The following CDKAL1 variants were observed in gnomAD, a reference collection of about 807,000 sequenced individuals.
The protein encoded by CDKAL1 is CDKAL1 threonylcarbamoyladenosine tRNA methylthiotransferase, also known as threonylcarbamoyladenosine tRNA methylthiotransferase.
Under a neutral mutation model 68.2 loss-of-function variants are expected in CDKAL1, and 32 were observed. The observed-to-expected ratio is 0.47, with a 90% CI of 0.35 to 0.63. The LOEUF (loss-of-function observed/expected upper bound fraction) is 0.63. Ranked by LOEUF, CDKAL1 falls within the 30% of genes least tolerant of loss-of-function variation. The probability of loss-of-function intolerance (pLI) is 0.00; values close to 1 mark genes in which losing one functional copy is unlikely to be tolerated. For missense variants in CDKAL1, 606 were observed against 696.7 expected, an observed-to-expected ratio of 0.87 and a Z score of 1.47; for synonymous variants, 234 against 244.3, an observed-to-expected ratio of 0.96 and a Z score of 0.39.
intron 5 of CDKAL1, among the ~76,000 whole-genome samples, chr6:20,684,610 T>C (rs1239209091): frequency 1.3e-5 from 2 of 152,252 alleles, no homozygotes; most frequent in Admixed American, 6.5e-5. Context: ...GTCTTCCAAG[T>C]GACTGTATCA....
intron 4 of CDKAL1, among the ~76,000 whole-genome samples, chr6:20,597,283 C>T (rs1765873552): frequency 6.6e-6 from 1 of 152,014 alleles, no homozygotes; most frequent in Non-Finnish European, 1.5e-5. Flanking sequence ...CGCCTGCCAC[C>T]ACGCCTTGCT....
At chr6:20,692,862 C>T (rs1196730762) in intron 5 of CDKAL1, among the ~76,000 whole-genome samples, 1 of 151,940 alleles carries the variant, frequency 6.6e-6, no homozygotes, top group East Asian at 1.9e-4. Context: ...TGCGGTGGCT[C>T]ACACTTGTAA....
chr6:21,086,492 C>G (rs1772701196), intron 12 of CDKAL1, among the ~76,000 whole-genome samples: 1 of 152,058 alleles, frequency 6.6e-6, no homozygotes, highest in Non-Finnish European at 1.5e-5. Flanking sequence ...AATGACTTAC[C>G]AAATGCCTGA....
chr6:20,656,803 A>G (rs1160325891), intron 5 of CDKAL1, among the ~76,000 whole-genome samples: 2 of 152,232 alleles, frequency 1.3e-5, no homozygotes, highest in African/African-American at 4.8e-5. Flanking sequence ...TTTAAACACT[A>G]CAAAGCTAGT....
chr6:21,107,168 CGATCTCCTGACCTT>C (rs921405196), intron 12 of CDKAL1, among the ~76,000 whole-genome samples: 2 of 151,920 alleles, frequency 1.3e-5, no homozygotes, highest in African/African-American at 4.8e-5. Flanking sequence ...AGGATGGTCT[CGATCTCCTGACCTT>C]GTGATCCGCC....
In CDKAL1 at chr6:21,209,367, G is replaced by A. The variant is rs538123600; in HGVS notation, c.1548+8093G>A. On this transcript the variant is annotated intron_variant, in intron 15 of 15. Coordinates refer to ENST00000274695, the MANE Select transcript of CDKAL1 (RefSeq NM_017774.3). ...GCTAAGCGCTAAGGAAAAGAACCAG[G>A]CCCCCGAGCCTGAATTACTTACATA... is the stretch of plus-strand genomic sequence containing the variant. 6.4e-4 allele frequency among the ~76,000 whole-genome samples: 98 copies of A among 152,290 alleles called. 1 individual carries two copies. Among genetic ancestry groups the A allele is most frequent in the Middle Eastern group, 6.8e-3 (2 of 294 alleles).
chr6:21,225,590 TTCCTA>T (rs1291789540), intron 15 of CDKAL1, among the ~76,000 whole-genome samples: 1 of 152,156 alleles, frequency 6.6e-6, no homozygotes, highest in East Asian at 1.9e-4. Flanking sequence ...TTCTGATAAC[TTCCTA>T]AGGTAGATGG....
At chr6:21,078,931 C>G (rs896369964) in intron 12 of CDKAL1, among the ~76,000 whole-genome samples, 15 of 152,128 alleles carry the variant, frequency 9.9e-5, no homozygotes, top group African/African-American at 2.4e-4. Context: ...GTGCACCTAG[C>G]ACAATACCTG....
At chr6:20,776,305 G>A (rs925758436) in intron 7 of CDKAL1, among the ~76,000 whole-genome samples, 2 of 152,092 alleles carry the variant, frequency 1.3e-5, no homozygotes, top group African/African-American at 4.8e-5. Flanking sequence ...TCATTAACTG[G>A]GCTTTTGATT....
intron 2 of CDKAL1, among the ~76,000 whole-genome samples, chr6:20,543,838 G>A (rs1763482534): frequency 6.7e-6 from 1 of 148,368 alleles, no homozygotes; most frequent in African/African-American, 2.5e-5. Flanking sequence ...GTGGGTTCAA[G>A]CAATTCTCCT....
intron 13 of CDKAL1, among the ~76,000 whole-genome samples, chr6:21,141,401 C>T (rs2151034993): frequency 6.6e-6 from 1 of 152,320 alleles, no homozygotes; most frequent in African/African-American, 2.4e-5. Flanking sequence ...CTGTGCTTCC[C>T]TCTGCCAGGA....
intron 13 of CDKAL1, among the ~76,000 whole-genome samples, chr6:21,188,848 CA>C (rs1299148349): frequency 4.6e-5 from 7 of 152,048 alleles, no homozygotes; most frequent in African/African-American, 1.7e-4. Flanking sequence ...GCTTTATAGG[CA>C]ATACCTTTGA....
chr6:20,844,687 T>A (rs1330792510), intron 8 of CDKAL1, among the ~76,000 whole-genome samples: 3 of 146,844 alleles, frequency 2.0e-5, no homozygotes, highest in African/African-American at 2.5e-5. Context: ...CCGTTTCTAT[T>A]AAAAAAAAAA....
At chr6:20,706,411 C>T (rs1405772149) in intron 5 of CDKAL1, among the ~76,000 whole-genome samples, 1 of 152,200 alleles carries the variant, frequency 6.6e-6, no homozygotes, top group Non-Finnish European at 1.5e-5. Flanking sequence ...TGATCAGATG[C>T]TCATATGCTG....
rs113117258 is a variant in CDKAL1, at chr6:21,052,844, G to A, written c.1056-12204G>A. 1.2e-4 allele frequency among the ~76,000 whole-genome samples: 18 copies of A among 152,224 alleles called. No individual in the cohort carries two copies. In the East Asian group the frequency reaches 1.4e-3, roughly 11 times the overall value. On this transcript the variant is annotated intron_variant, in intron 11 of 15. Coordinates refer to ENST00000274695, the MANE Select transcript of CDKAL1 (RefSeq NM_017774.3). Reference sequence around the variant, plus strand: ...AGCCTGGGCAACAAAGCAAGACTCCGTCTCTACAGAAAATAAATAAGAGAA... The same window carrying A: ...AGCCTGGGCAACAAAGCAAGACTCCATCTCTACAGAAAATAAATAAGAGAA...
At chr6:21,094,565 G>A (rs1773224356) in intron 12 of CDKAL1, among the ~76,000 whole-genome samples, 1 of 152,144 alleles carries the variant, frequency 6.6e-6, no homozygotes, top group Non-Finnish European at 1.5e-5. Flanking sequence ...CTAAAAAGAT[G>A]CTAGAGCTGA....
At chr6:20,932,187 A>T (rs889228269) in intron 9 of CDKAL1, among the ~76,000 whole-genome samples, 2 of 152,150 alleles carry the variant, frequency 1.3e-5, no homozygotes, top group Non-Finnish European at 2.9e-5. Flanking sequence ...TAAGGAGGAG[A>T]TTTTAAAAGT....
intron 5 of CDKAL1, among the ~76,000 whole-genome samples, chr6:20,662,361 G>A (rs9368218): frequency 0.4 from 61,441 of 151,876 alleles, 13,788 homozygotes; most frequent in African/African-American, 0.61. Flanking sequence ...ATGATCCTGG[G>A]AAATTGGATA....
intron 4 of CDKAL1, among the ~76,000 whole-genome samples, chr6:20,610,398 A>G (rs768622571): frequency 6.6e-6 from 1 of 152,042 alleles, no homozygotes; most frequent in African/African-American, 2.4e-5. Flanking sequence ...TCCCACCAAC[A>G]TTGTATAAGC....
Sources: gnomAD v4.1 joint callset for allele counts (sites outside exome capture counted in the v4.1 genomes callset) on GRCh38, gnomAD v4.1.1 for gene constraint, MANE v1.5 for transcripts, NCBI Gene and HGNC (gene_info 2026-07-23, HGNC 2026-07-21) for gene names.